The following FAF1 variants were observed in gnomAD, a reference collection of about 807,000 sequenced individuals.
FAF1 encodes Fas associated factor 1, also known as FAS-associated factor 1.
In FAF1, 25 loss-of-function variants were observed where a neutral mutation model predicts 92.5. That is an observed-to-expected ratio of 0.27 (90% CI 0.20 to 0.38). The LOEUF (loss-of-function observed/expected upper bound fraction) is 0.38. Ranked by LOEUF, FAF1 falls within the 10% of genes least tolerant of loss-of-function variation. The pLI is 1.00. For missense variants in FAF1, 636 were observed against 793.3 expected (o/e 0.80, Z 2.38); for synonymous variants, 234 against 273.2 (o/e 0.86, Z 1.42).
chr1:50,583,793 A>T lies in FAF1; in HGVS notation c.968-78T>A. Reference sequence around the variant, plus strand: ...ACAAAAACAAACCACATAACATCTAATCCCACATATAAGAAATATATTCAA... The same window carrying T: ...ACAAAAACAAACCACATAACATCTATTCCCACATATAAGAAATATATTCAA... On this transcript the variant is annotated intron_variant, in intron 10 of 18. Coordinates refer to ENST00000396153, the MANE Select transcript of FAF1 (RefSeq NM_007051.3). The surrounding 1 kb of genome is among the most constrained non-coding windows in gnomAD (Gnocchi z 4.2). 1.3e-6 allele frequency: 1 copy of T among 755,408 alleles called. No individual in the cohort carries two copies. The allele number at this position is 755,408 out of a possible 1,614,324, so 46.8% of individuals were successfully genotyped here.
At chr1:50,816,210 T>TC (rs1274590067) in intron 2 of FAF1, among the ~76,000 whole-genome samples, 1 of 146,044 alleles carries the variant, frequency 6.8e-6, no homozygotes, top group African/African-American at 2.5e-5. Context: ...TTTTTCTTTT[T>TC]TTTTTTTTTT....
At chr1:50,577,482 G>A (rs964602470) in intron 12 of FAF1, among the ~76,000 whole-genome samples, 1 of 152,198 alleles carries the variant, frequency 6.6e-6, no homozygotes, top group African/African-American at 2.4e-5. Flanking sequence ...CCGAGATGGC[G>A]CCACTGCACT....
chr1:50,868,049 C>T (rs918470984), intron 1 of FAF1, among the ~76,000 whole-genome samples: 1 of 152,112 alleles, frequency 6.6e-6, no homozygotes, highest in Non-Finnish European at 1.5e-5. Flanking sequence ...GAGTTGAAGA[C>T]CATCATTCTA....
At chr1:50,884,486 C>T (rs1321977678) in intron 1 of FAF1, among the ~76,000 whole-genome samples, 2 of 149,378 alleles carry the variant, frequency 1.3e-5, no homozygotes, top group African/African-American at 5.0e-5. Flanking sequence ...TGAGATCACG[C>T]ACTCCAGTCT....
At chr1:50,746,264 ATATATATATATATATATATATATATATAT>A (rs1399190769) in intron 4 of FAF1, among the ~76,000 whole-genome samples, 2 of 19,436 alleles carry the variant, frequency 1.0e-4, no homozygotes, top group African/African-American at 4.9e-4. Flanking sequence ...ATATATATAT[ATATATATATATATATATATATATATATAT>A]TTTTTTTTTT....
chr1:50,787,994 C>T lies in FAF1; in HGVS notation c.367+6G>A, dbSNP rs746697876. 1.2e-6 allele frequency: 2 copies of T among 1,609,554 alleles called. No homozygotes were observed. The highest frequency in any genetic ancestry group is 1.7e-6 in the Non-Finnish European group (2 of 1,177,162). On this transcript the variant is annotated splice_donor_region_variant and intron_variant, in intron 4 of 18. Coordinates refer to ENST00000396153, the MANE Select transcript of FAF1 (RefSeq NM_007051.3). ...TGTGAAGGCTTTATGGCAGGAAAAA[C>T]CTTACCAACAGTACAGGTGTCTTCA...
intron 2 of FAF1, among the ~76,000 whole-genome samples, chr1:50,829,026 G>A (rs1351918653): frequency 1.3e-5 from 2 of 152,152 alleles, no homozygotes; most frequent in African/African-American, 2.4e-5. Flanking sequence ...TCCCCAAATG[G>A]CTATTAATAA....
intron 2 of FAF1, among the ~76,000 whole-genome samples, chr1:50,837,523 T>C (rs1644219837): frequency 6.6e-6 from 1 of 152,206 alleles, no homozygotes; most frequent in African/African-American, 2.4e-5. Flanking sequence ...ACAAATATTT[T>C]TAAATGTTGA....
At chr1:50,660,479 G>A (rs1410745548) in intron 7 of FAF1, among the ~76,000 whole-genome samples, 1 of 151,782 alleles carries the variant, frequency 6.6e-6, no homozygotes, top group Non-Finnish European at 1.5e-5. Flanking sequence ...CATACCTCGA[G>A]GCAGAGAACT....
chr1:50,903,492 G>GAAT (rs1359495867), intron 1 of FAF1, among the ~76,000 whole-genome samples: 1 of 151,938 alleles, frequency 6.6e-6, no homozygotes, highest in African/African-American at 2.4e-5. Context: ...TCTTTCAAAG[G>GAAT]AATTAAATGA....
chr1:50,880,601 G>A (rs1644603905), intron 1 of FAF1, among the ~76,000 whole-genome samples: 1 of 152,228 alleles, frequency 6.6e-6, no homozygotes, highest in African/African-American at 2.4e-5. Flanking sequence ...GCAGCCATCT[G>A]CAAGCCAGGA....
At chr1:50,760,265 T>A (rs1019689137) in intron 4 of FAF1, among the ~76,000 whole-genome samples, 1 of 152,104 alleles carries the variant, frequency 6.6e-6, no homozygotes, top group African/African-American at 2.4e-5. Context: ...ACTGTCAACA[T>A]TAGACAGATC....
chr1:50,918,255 A>AT (rs1644935966), intron 1 of FAF1, among the ~76,000 whole-genome samples: 2 of 131,628 alleles, frequency 1.5e-5, no homozygotes, highest in East Asian at 2.2e-4. Context: ...GGTTAGTTAC[A>AT]TATGTATACA....
chr1:50,545,553 G>A (rs1298733482), intron 13 of FAF1, among the ~76,000 whole-genome samples: 1 of 150,980 alleles, frequency 6.6e-6, no homozygotes, highest in East Asian at 1.9e-4. Context: ...ATACAGGTGT[G>A]AGCCACCATG....
At chr1:50,482,634 T>A (rs1254511060) in intron 17 of FAF1, among the ~76,000 whole-genome samples, 8 of 152,212 alleles carry the variant, frequency 5.3e-5, no homozygotes. Context: ...GTCATTAATG[T>A]GTAAGAGTTC....
At chr1:50,919,717 G>A (rs1644948055) in intron 1 of FAF1, among the ~76,000 whole-genome samples, 1 of 152,086 alleles carries the variant, frequency 6.6e-6, no homozygotes. Flanking sequence ...TCGAACTCCT[G>A]ACCTCGTGAT....
chr1:50,679,292 T>C (rs1178620598), intron 7 of FAF1, among the ~76,000 whole-genome samples: 1 of 148,218 alleles, frequency 6.7e-6, no homozygotes, highest in Non-Finnish European at 1.5e-5. Context: ...CCATTCTTTA[T>C]TCCTTTACTT....
intron 17 of FAF1, among the ~76,000 whole-genome samples, chr1:50,485,381 G>C (rs1646752147): frequency 6.6e-6 from 1 of 151,972 alleles, no homozygotes; most frequent in Middle Eastern, 3.4e-3. Context: ...AACTACCTGA[G>C]GCTGGGCGCG....
At chr1:50,761,725 C>T (rs1387942729) in intron 4 of FAF1, among the ~76,000 whole-genome samples, 1 of 152,142 alleles carries the variant, frequency 6.6e-6, no homozygotes, top group Non-Finnish European at 1.5e-5. Context: ...AACCCACAAC[C>T]AATATCATAC....
Sources: gnomAD v4.1 joint callset for allele counts (sites outside exome capture counted in the v4.1 genomes callset) on GRCh38, gnomAD v4.1.1 for gene constraint, Gnocchi (gnomAD v3.1) non-coding constraint, MANE v1.5 for transcripts, NCBI Gene and HGNC (gene_info 2026-07-23, HGNC 2026-07-21) for gene names.